Variants in THSD7B observed in about 807,000 individuals in gnomAD.
THSD7B encodes the protein thrombospondin type-1 domain-containing protein 7B.
Under a neutral mutation model 213.6 loss-of-function variants are expected in THSD7B, and 138 were observed. That is an observed-to-expected ratio of 0.65 (90% CI 0.56 to 0.74). The LOEUF is 0.74. THSD7B is among the 30% of genes least tolerant of loss of function. THSD7B has a pLI of 0.00. For missense variants in THSD7B, 1,931 were observed against 1,991.5 expected, an observed-to-expected ratio of 0.97 and a Z score of 0.58; for synonymous variants, 742 against 687.0, an observed-to-expected ratio of 1.08 and a Z score of -1.25.
At chr2:137,583,228 T>C (rs1197310796) in intron 17 of THSD7B, among the ~76,000 whole-genome samples, 3 of 152,156 alleles carry the variant, frequency 2.0e-5, no homozygotes, top group South Asian at 2.1e-4. Context: ...TTTGTAGATT[T>C]TGAATATTAG....
chr2:136,874,886 T>C (rs1479830962), intron 1 of THSD7B, among the ~76,000 whole-genome samples: 1 of 152,236 alleles, frequency 6.6e-6, no homozygotes, highest in African/African-American at 2.4e-5. Flanking sequence ...TCCCACATAA[T>C]GTATTTTTGT....
chr2:137,581,970 C>T (rs778568953), intron 17 of THSD7B, among the ~76,000 whole-genome samples: 2 of 150,658 alleles, frequency 1.3e-5, no homozygotes, highest in Non-Finnish European at 3.0e-5. Context: ...TTGGTGGACA[C>T]CTGTAATCCC....
Position 136,795,513 on chromosome 2 carries a change from C to G in THSD7B, c.-36+29826C>G, listed in dbSNP as rs536312409. On this transcript the variant is annotated intron_variant, in intron 1 of 27. Coordinates refer to ENST00000409968, the MANE Select transcript of THSD7B (RefSeq NM_001316349.2). ...TGTGTGAGGTATCATATCCACAGGT[C>G]TTGAGAATGACGACATGGACATCTT... 3.7e-4 allele frequency among the ~76,000 whole-genome samples: 56 copies of G among 152,062 alleles called. No homozygotes were observed. The South Asian group carries it at 0.011, about 29-fold the overall frequency.
chr2:136,843,472 A>G (rs1007835537), intron 1 of THSD7B, among the ~76,000 whole-genome samples: 1 of 152,200 alleles, frequency 6.6e-6, no homozygotes, highest in African/African-American at 2.4e-5. Context: ...TGGAGAAAAA[A>G]ATATTACATA....
intron 7 of THSD7B, among the ~76,000 whole-genome samples, chr2:137,176,052 TG>T (rs1680351872): frequency 6.6e-6 from 1 of 152,218 alleles, no homozygotes; most frequent in Non-Finnish European, 1.5e-5. Flanking sequence ...TTTTTGCTTT[TG>T]CTTATAAGAT....
Position 137,676,861 on chromosome 2 carries a change from T to C in THSD7B, c.*256T>C, listed in dbSNP as rs76999641. 0.15 allele frequency: 47,979 copies of C among 314,414 alleles called. 4,178 individuals are homozygous for C. The highest frequency in any genetic ancestry group is 0.19 in the East Asian group (3,243 of 17,170). The allele number at this position is 314,414 out of a possible 1,614,324, so 19.5% of individuals were successfully genotyped here. A position where few individuals can be genotyped will look rare whatever the true frequency, so the allele number is the denominator to read the frequency against. The stretch of plus-strand genomic sequence containing the variant: ...CCCAAGGGACCTGAAAACCCTTCTC[T>C]TCCTGTTTGGAACTGGGAGGAAGAA... On this transcript the variant is annotated 3_prime_UTR_variant, in exon 28 of 28. Transcript: ENST00000409968.
intron 12 of THSD7B, among the ~76,000 whole-genome samples, chr2:137,339,656 C>T (rs970411750): frequency 6.6e-6 from 1 of 151,610 alleles, no homozygotes; most frequent in African/African-American, 2.4e-5. Context: ...CATCATGTGA[C>T]TCTAGAAGAA....
intron 2 of THSD7B, among the ~76,000 whole-genome samples, chr2:136,982,134 C>T (rs1432253294): frequency 2.0e-5 from 3 of 152,134 alleles, no homozygotes; most frequent in African/African-American, 7.2e-5. Context: ...CTCCTAAATT[C>T]AAGTGATGCA....
At chr2:137,272,761 A>T (rs1682776009) in intron 11 of THSD7B, 99 bp downstream of exon 11, 1 of 1,274,674 alleles carries the variant, frequency 7.8e-7, no homozygotes, top group African/African-American at 1.5e-5. Context: ...AATAAGTAAG[A>T]GGGGATCTGA....
At chr2:137,206,646 T>C (rs548750050) in intron 7 of THSD7B, among the ~76,000 whole-genome samples, 2 of 152,110 alleles carry the variant, frequency 1.3e-5, no homozygotes, top group African/African-American at 4.8e-5. Flanking sequence ...CAGGTGGGAA[T>C]AGAGAAAGAC....
intron 15 of THSD7B, among the ~76,000 whole-genome samples, chr2:137,491,210 C>T (rs898912420): frequency 6.6e-6 from 1 of 152,202 alleles, no homozygotes; most frequent in Admixed American, 6.5e-5. Flanking sequence ...GTCTCCCTAA[C>T]ATACACACAG....
intron 15 of THSD7B, among the ~76,000 whole-genome samples, chr2:137,478,467 A>G (rs969662750): frequency 1.3e-5 from 2 of 151,750 alleles, no homozygotes; most frequent in Non-Finnish European, 2.9e-5. Context: ...TTCTCATTCA[A>G]TTGTTTTTCT....
chr2:137,411,749 C>A lies in THSD7B; in HGVS notation c.2836C>A (p.Pro946Thr), dbSNP rs768552307. The A allele has an allele frequency of 6.2e-7, 1 of 1,613,936 alleles. No homozygotes were observed. The highest frequency in any genetic ancestry group is 1.1e-5 in the South Asian group (1 of 91,074). ...CATTCTTCCAGAAGGCAGAAGGGAG[C>A]CTCACCGAGGACTGCGGGTACAAGC... ...DCILPEGRREPHRGLRVQADS... is the reference protein window; with the variant it reads ...DCILPEGRRETHRGLRVQADS... The change falls in exon 14 of 28, where the codon CCT (proline) becomes ACT (threonine). Residue 946 changes from proline (P) to threonine (T), a missense_variant. By Grantham distance (38) the Pro-to-Thr change is conservative. Transcript: ENST00000409968.
intron 1 of THSD7B, among the ~76,000 whole-genome samples, chr2:136,867,306 A>G (rs55691047): frequency 0.14 from 21,602 of 152,188 alleles, 2,186 homozygotes; most frequent in Non-Finnish European, 0.22. Context: ...ATTTTGATGG[A>G]CATTTGTGGG....
At chr2:137,634,364 T>C (rs964491722) in intron 20 of THSD7B, among the ~76,000 whole-genome samples, 1 of 152,202 alleles carries the variant, frequency 6.6e-6, no homozygotes, top group African/African-American at 2.4e-5. Flanking sequence ...TCAAAGTTAC[T>C]TCATATACTA....
intron 3 of THSD7B, among the ~76,000 whole-genome samples, chr2:137,064,856 G>A (rs1687346790): frequency 6.6e-6 from 1 of 151,756 alleles, no homozygotes; most frequent in Non-Finnish European, 1.5e-5. Context: ...CTCTGTTCCA[G>A]TGATGTGTAT....
Position 136,895,226 on chromosome 2 carries a change from C to T in THSD7B, c.139+12909C>T, listed in dbSNP as rs72981631. On this transcript the variant is annotated intron_variant, in intron 2 of 27. Transcript: ENST00000409968. Reference sequence around the variant, plus strand: ...TAGCCCTGGGATGCTGCAGGCAGGACAGGAATACCATTTTATTTTACAGTT... The same window carrying T: ...TAGCCCTGGGATGCTGCAGGCAGGATAGGAATACCATTTTATTTTACAGTT... Among the ~76,000 whole-genome samples, 1,444 of 152,226 alleles carry T rather than the reference C, an allele frequency of 9.5e-3. 32 individuals are homozygous for T. Among genetic ancestry groups the T allele is most frequent in the African/African-American group, 0.034 (1,392 of 41,550 alleles).
intron 5 of THSD7B, among the ~76,000 whole-genome samples, chr2:137,156,478 T>C (rs891068330): frequency 2.0e-5 from 3 of 152,164 alleles, no homozygotes; most frequent in African/African-American, 7.2e-5. Flanking sequence ...GGGAAATCCC[T>C]CCCTGTTCTT....
intron 1 of THSD7B, among the ~76,000 whole-genome samples, chr2:136,858,865 A>C (rs1461495767): frequency 6.6e-6 from 1 of 152,208 alleles, no homozygotes; most frequent in Admixed American, 6.5e-5. Context: ...GATGCGACAG[A>C]TGTTCATCAA....
Sources: gnomAD v4.1 joint callset for allele counts (sites outside exome capture counted in the v4.1 genomes callset) on GRCh38, gnomAD v4.1.1 for gene constraint, MANE v1.5 for transcripts, NCBI Gene and HGNC (gene_info 2026-07-23, HGNC 2026-07-21) for gene names.